NOL4: variants seen among roughly 807,000 people sequenced by gnomAD.
NOL4 encodes the protein nucleolar protein 4.
Under a neutral mutation model 75.9 loss-of-function variants are expected in NOL4, and 17 were observed. The ratio of observed to expected loss-of-function variants is 0.22; its 90% CI spans 0.15 to 0.34. The LOEUF is 0.34. Ranked by LOEUF, NOL4 falls within the 10% of genes least tolerant of loss-of-function variation. The pLI, the probability that NOL4 is intolerant of heterozygous loss-of-function variation, is 1.00. For synonymous variants in NOL4, 292 were observed against 289.9 expected (o/e 1.01, Z -0.07); for missense variants, 614 against 793.5 (o/e 0.77, Z 2.72).
intron 1 of NOL4, among the ~76,000 whole-genome samples, chr18:34,202,016 A>T (rs929751895): frequency 1.3e-5 from 2 of 151,872 alleles, no homozygotes; most frequent in Non-Finnish European, 3.0e-5. Context: ...TGATTATTTT[A>T]TTTTGGAACA....
At chr18:33,973,941 C>T (rs1447443193) in intron 6 of NOL4, among the ~76,000 whole-genome samples, 1 of 152,148 alleles carries the variant, frequency 6.6e-6, no homozygotes, top group Non-Finnish European at 1.5e-5. Context: ...AAGCCGCCAG[C>T]TACATTAGCC....
At chr18:33,869,137 T>C (rs2063573719) in intron 10 of NOL4, among the ~76,000 whole-genome samples, 1 of 151,868 alleles carries the variant, frequency 6.6e-6, no homozygotes, top group African/African-American at 2.4e-5. Context: ...TGTAAGTAGA[T>C]AATAATTATA....
chr18:34,108,942 G>C (rs1041247375), intron 2 of NOL4, among the ~76,000 whole-genome samples: 3 of 151,958 alleles, frequency 2.0e-5, no homozygotes, highest in African/African-American at 7.3e-5. Flanking sequence ...TCATATGTTA[G>C]GCCACAAAAC....
intron 6 of NOL4, among the ~76,000 whole-genome samples, chr18:33,976,050 C>T (rs1318992313): frequency 1.3e-5 from 2 of 152,162 alleles, no homozygotes; most frequent in Non-Finnish European, 2.9e-5. Context: ...GCCTTAGAGA[C>T]AGGCAGTACA....
At chr18:34,008,377 C>CTATG (rs1248925858) in intron 6 of NOL4, among the ~76,000 whole-genome samples, 1 of 123,076 alleles carries the variant, frequency 8.1e-6, no homozygotes, top group Non-Finnish European at 1.8e-5. Context: ...GTCTGTCTAT[C>CTATG]TATCTATCTA....
At chr18:34,152,762 A>G (rs1451859445) in intron 1 of NOL4, among the ~76,000 whole-genome samples, 1 of 151,896 alleles carries the variant, frequency 6.6e-6, no homozygotes, top group Non-Finnish European at 1.5e-5. Flanking sequence ...TCGTGCAAGA[A>G]AGAGGGTTTT....
At chr18:34,002,835 T>C (rs576266904) in intron 6 of NOL4, among the ~76,000 whole-genome samples, 15 of 152,268 alleles carry the variant, frequency 9.9e-5, no homozygotes, top group African/African-American at 3.6e-4. Flanking sequence ...AGAATCATTG[T>C]GGATTCATGA....
chr18:34,157,505 G>A (rs1218191036), intron 1 of NOL4, among the ~76,000 whole-genome samples: 1 of 152,034 alleles, frequency 6.6e-6, no homozygotes, highest in East Asian at 1.9e-4. Context: ...CAGAAAAAAG[G>A]TCTAGAGCTC....
intron 6 of NOL4, among the ~76,000 whole-genome samples, chr18:34,012,405 T>C (rs767414348): frequency 6.6e-6 from 1 of 151,830 alleles, no homozygotes; most frequent in Non-Finnish European, 1.5e-5. Context: ...ATTTTATTTT[T>C]AAAAAATCTA....
rs186476577 is a variant in NOL4, at chr18:34,007,651, C to T, written c.1056+11667G>A. On this transcript the variant is annotated intron_variant, in intron 6 of 10. Transcript: ENST00000261592. ...TCACAAATAACAAAAGATGTACTGA[C>T]GCTATATTAGGGTATTTAATTATTG... is the stretch of plus-strand genomic sequence containing the variant. Among the ~76,000 whole-genome samples, 371 of 151,944 alleles carry T rather than the reference C, an allele frequency of 2.4e-3. 1 individual carries two copies. The highest frequency in any genetic ancestry group is 0.014 in the Middle Eastern group (4 of 292).
intron 1 of NOL4, among the ~76,000 whole-genome samples, chr18:34,186,800 T>A (rs138677198): frequency 6.6e-6 from 1 of 152,218 alleles, no homozygotes; most frequent in Admixed American, 6.5e-5. Context: ...GTTGGCACTC[T>A]GCAAAATTTA....
At chr18:34,054,515 T>C (rs544062620) in intron 5 of NOL4, among the ~76,000 whole-genome samples, 30 of 152,080 alleles carry the variant, frequency 2.0e-4, no homozygotes, top group African/African-American at 7.0e-4. Context: ...AATGTTAGTA[T>C]AGCACCTCTG....
At chr18:34,120,730 T>C (rs1022536652) in intron 2 of NOL4, among the ~76,000 whole-genome samples, 7 of 152,056 alleles carry the variant, frequency 4.6e-5, no homozygotes, top group African/African-American at 1.2e-4. Context: ...TCTCCAAAGA[T>C]AGGGAAATGG....
At chr18:34,013,262 A>G (rs2074482362) in intron 6 of NOL4, among the ~76,000 whole-genome samples, 1 of 151,866 alleles carries the variant, frequency 6.6e-6, no homozygotes, top group African/African-American at 2.4e-5. Flanking sequence ...AATTCTGTCC[A>G]TTTAATTTTC....
chr18:33,998,450 TGAA>T (rs1232547339), intron 6 of NOL4, among the ~76,000 whole-genome samples: 1 of 151,950 alleles, frequency 6.6e-6, no homozygotes, highest in Non-Finnish European at 1.5e-5. Flanking sequence ...GAATAACAGA[TGAA>T]GGAGAAAATG....
At chr18:34,107,969 C>T (rs1264228678) in intron 2 of NOL4, among the ~76,000 whole-genome samples, 1 of 152,116 alleles carries the variant, frequency 6.6e-6, no homozygotes, top group Admixed American at 6.6e-5. Flanking sequence ...TGTCAACTCT[C>T]CCTCAAACCC....
chr18:34,019,694 T>C (rs555747442), intron 5 of NOL4, 93 bp from the exon 6 acceptor site: 2 of 994,492 alleles, frequency 2.0e-6, no homozygotes, highest in African/African-American at 1.6e-5. Context: ...ATTATATGAA[T>C]GGCATTTTAC....
At position 33,877,851 on chromosome 18, in the gene NOL4, T is replaced by C. The variant is rs181874425; in HGVS notation, c.1723+5393A>G. Among the ~76,000 whole-genome samples, 337 of 148,606 alleles carry C rather than the reference T, an allele frequency of 2.3e-3. 1 individual carries two copies. The highest frequency in any genetic ancestry group is 6.4e-3 in the African/African-American group (260 of 40,564). On this transcript the variant is annotated intron_variant, in intron 10 of 10. Coordinates refer to ENST00000261592, the MANE Select transcript of NOL4 (RefSeq NM_003787.5). ...TTGTGTGTGTGTGTGTGTGTGTGTG[T>C]GCGCTATCATACATGCTTCAGAGGT...
At chr18:34,077,424 G>A (rs1021459400) in intron 5 of NOL4, among the ~76,000 whole-genome samples, 2 of 151,940 alleles carry the variant, frequency 1.3e-5, no homozygotes, top group Middle Eastern at 3.4e-3. Flanking sequence ...CATATATATA[G>A]ATATATACAC....
Sources: allele counts gnomAD v4.1 joint callset (sites outside exome capture counted in the v4.1 genomes callset), GRCh38; gene constraint gnomAD v4.1.1; transcripts MANE v1.5; gene names NCBI Gene and HGNC (gene_info 2026-07-23, HGNC 2026-07-21).